Variants in PRKD1 observed in about 807,000 individuals in gnomAD.
PRKD1 encodes serine/threonine-protein kinase D1.
Under a neutral mutation model 95.9 loss-of-function variants are expected in PRKD1, and 63 were observed. That is an observed-to-expected ratio of 0.66 (90% CI 0.54 to 0.81). PRKD1 has a LOEUF of 0.81. PRKD1 is among the 30% of genes least tolerant of loss of function. PRKD1 has a pLI of 0.00. For missense variants in PRKD1, 1,048 were observed against 1,165.3 expected (o/e 0.90, Z 1.47); for synonymous variants, 425 against 423.1 (o/e 1.00, Z -0.05).
At chr14:29,778,793 C>G (rs910492077) in intron 1 of PRKD1, among the ~76,000 whole-genome samples, 1 of 152,096 alleles carries the variant, frequency 6.6e-6, no homozygotes, top group Non-Finnish European at 1.5e-5. Context: ...TTTTATGAGG[C>G]CAGCATCATC....
intron 1 of PRKD1, among the ~76,000 whole-genome samples, chr14:29,846,297 A>C (rs1354278059): frequency 1.3e-5 from 2 of 152,224 alleles, no homozygotes; most frequent in Admixed American, 1.3e-4. Flanking sequence ...CTCCAAAAAA[A>C]CTGATAAGGA....
intron 1 of PRKD1, among the ~76,000 whole-genome samples, chr14:29,826,179 TATATATATAC>T (rs1891101366): frequency 7.0e-6 from 1 of 142,384 alleles, no homozygotes; most frequent in Middle Eastern, 3.4e-3. Flanking sequence ...TATGATGGAA[TATATATATAC>T]ATATATATGA....
rs1027001355 is a variant in PRKD1, at chr14:29,834,270, A to C, written c.264+92979T>G. On this transcript the variant is annotated intron_variant, in intron 1 of 17. Coordinates refer to ENST00000331968, the MANE Select transcript of PRKD1 (RefSeq NM_002742.3). ...TCATCCAGGTTGTGATCTGGGCAAAAATATAGCTGTACCATTGATCTACTT... is the reference window on the plus strand; with the variant it reads ...TCATCCAGGTTGTGATCTGGGCAAACATATAGCTGTACCATTGATCTACTT... Among the ~76,000 whole-genome samples, 5 of 152,090 alleles carry C rather than the reference A, an allele frequency of 3.3e-5. No individual in the cohort carries two copies. The East Asian group carries it at 9.6e-4, about 29-fold the overall frequency.
At chr14:29,920,587 TACACACACACACAC>T (rs5807556) in intron 1 of PRKD1, among the ~76,000 whole-genome samples, 851 of 141,380 alleles carry the variant, frequency 6.0e-3, no homozygotes, top group Non-Finnish European at 7.1e-3. Flanking sequence ...TCCAGTCTAA[TACACACACACACAC>T]ACACACACAC....
chr14:29,657,947 A>G (rs540609020), intron 4 of PRKD1: 1 of 152,208 alleles, frequency 6.6e-6, no homozygotes, highest in African/African-American at 2.4e-5. Flanking sequence ...GCATGTGCAG[A>G]GCTCAAGGGC....
intron 1 of PRKD1, among the ~76,000 whole-genome samples, chr14:29,872,535 C>G (rs1434088444): frequency 9.2e-5 from 14 of 151,990 alleles, no homozygotes; most frequent in Non-Finnish European, 2.9e-5. Flanking sequence ...ACCTGTAGTC[C>G]CAGCTACTCG....
intron 1 of PRKD1, among the ~76,000 whole-genome samples, chr14:29,871,454 A>G (rs529502597): frequency 2.6e-5 from 4 of 152,312 alleles, no homozygotes; most frequent in African/African-American, 9.6e-5. Flanking sequence ...AGTGTAGTAG[A>G]TGCAGCTCTG....
intron 17 of PRKD1, among the ~76,000 whole-genome samples, chr14:29,577,801 T>C (rs1467138604): frequency 6.6e-6 from 1 of 152,194 alleles, no homozygotes; most frequent in East Asian, 1.9e-4. Flanking sequence ...AAATTCGATG[T>C]GAAAATAATA....
At chr14:29,600,870 G>A (rs920407279) in intron 13 of PRKD1, among the ~76,000 whole-genome samples, 1 of 151,688 alleles carries the variant, frequency 6.6e-6, no homozygotes, top group African/African-American at 2.4e-5. Context: ...AAATGCCTTT[G>A]ATCATTTGAC....
At position 29,843,581 on chromosome 14, in the gene PRKD1, T is replaced by C. The variant is rs540732978; in HGVS notation, c.264+83668A>G. 2.6e-5 allele frequency among the ~76,000 whole-genome samples: 4 copies of C among 152,284 alleles called. No individual in the cohort carries two copies. In the East Asian group the frequency reaches 7.7e-4, roughly 29 times the overall value. ...AAAATTCTAAATGGCTAGTCAAACATTTTTATGCATTCAAAACATCTTAAA... is the reference window on the plus strand; with the variant it reads ...AAAATTCTAAATGGCTAGTCAAACACTTTTATGCATTCAAAACATCTTAAA... On this transcript the variant is annotated intron_variant, in intron 1 of 17. Coordinates refer to ENST00000331968, the MANE Select transcript of PRKD1 (RefSeq NM_002742.3).
chr14:29,584,925 T>A (rs1338415648), intron 16 of PRKD1, among the ~76,000 whole-genome samples: 4 of 152,156 alleles, frequency 2.6e-5, no homozygotes, highest in African/African-American at 9.7e-5. Context: ...ACACAGTACA[T>A]TTTCCCCCGA....
At chr14:29,719,461 T>G (rs559896724) in intron 2 of PRKD1, among the ~76,000 whole-genome samples, 1 of 152,168 alleles carries the variant, frequency 6.6e-6, no homozygotes, top group South Asian at 2.1e-4. Context: ...AAATATAAAC[T>G]CTTACTGCAA....
chr14:29,758,643 GA>G (rs1238836168), intron 1 of PRKD1, among the ~76,000 whole-genome samples: 1 of 152,122 alleles, frequency 6.6e-6, no homozygotes, highest in Non-Finnish European at 1.5e-5. Flanking sequence ...GAGCACAAGA[GA>G]AAAACTCCAC....
At chr14:29,791,298 C>G (rs1889534659) in intron 1 of PRKD1, among the ~76,000 whole-genome samples, 1 of 152,070 alleles carries the variant, frequency 6.6e-6, no homozygotes, top group Non-Finnish European at 1.5e-5. Flanking sequence ...ATATGTGTTA[C>G]CTTAATTATT....
chr14:29,853,211 A>T (rs573548865), intron 1 of PRKD1, among the ~76,000 whole-genome samples: 1 of 152,216 alleles, frequency 6.6e-6, no homozygotes, highest in African/African-American at 2.4e-5. Context: ...CATACACCTA[A>T]TAATAGATCA....
At chr14:29,849,577 C>CAACAA (rs1371481591) in intron 1 of PRKD1, among the ~76,000 whole-genome samples, 1 of 139,660 alleles carries the variant, frequency 7.2e-6, no homozygotes, top group African/African-American at 2.7e-5. Flanking sequence ...ACAACAACAA[C>CAACAA]AAAAAAAAAA....
At chr14:29,723,280 G>A (rs1227758579) in intron 2 of PRKD1, among the ~76,000 whole-genome samples, 3 of 152,128 alleles carry the variant, frequency 2.0e-5, no homozygotes, top group Non-Finnish European at 4.4e-5. Context: ...ATAATTAAAT[G>A]GCAATGGGAA....
chr14:29,884,401 ATCAC>A (rs767561074), intron 1 of PRKD1, among the ~76,000 whole-genome samples: 6 of 152,236 alleles, frequency 3.9e-5, no homozygotes, highest in Non-Finnish European at 7.3e-5. Context: ...AATAACAATA[ATCAC>A]TCACTAATAC....
chr14:29,602,532 C>A (rs2333604), intron 13 of PRKD1, among the ~76,000 whole-genome samples: 64,964 of 150,912 alleles, frequency 0.43, 14,489 homozygotes, highest in African/African-American at 0.54. Flanking sequence ...CAGGTCCAAG[C>A]GATTCTCCTG....
Sources: allele counts gnomAD v4.1 joint callset (sites outside exome capture counted in the v4.1 genomes callset), GRCh38; gene constraint gnomAD v4.1.1; transcripts MANE v1.5; gene names NCBI Gene and HGNC (gene_info 2026-07-23, HGNC 2026-07-21).